Variants in ZNF704 observed in about 807,000 individuals in gnomAD.
The protein encoded by ZNF704 is glucocorticoid induced gene 1.
In ZNF704, 10 loss-of-function variants were observed where a neutral mutation model predicts 44.7. The observed-to-expected ratio is 0.22, with a 90% CI of 0.14 to 0.38. The LOEUF is 0.38. Ranked by LOEUF, ZNF704 falls within the 10% of genes least tolerant of loss-of-function variation. ZNF704 has a pLI of 1.00. For synonymous variants in ZNF704, 211 were observed against 207.6 expected (o/e 1.02, Z -0.14); for missense variants, 390 against 545.5 (o/e 0.71, Z 2.84).
intron 1 of ZNF704, among the ~76,000 whole-genome samples, chr8:80,838,408 T>C (rs1448721517): frequency 6.6e-6 from 1 of 152,156 alleles, no homozygotes; most frequent in Non-Finnish European, 1.5e-5. Flanking sequence ...AACTGAATCC[T>C]TTCTTTCAGG....
At chr8:80,713,499 G>A (rs949830527) in intron 2 of ZNF704, among the ~76,000 whole-genome samples, 4 of 152,084 alleles carry the variant, frequency 2.6e-5, no homozygotes, top group Non-Finnish European at 5.9e-5. Context: ...TCTTTTCCAC[G>A]TTTGTATCAT....
intron 1 of ZNF704, among the ~76,000 whole-genome samples, chr8:80,870,826 A>G (rs1226638720): frequency 6.7e-6 from 1 of 150,316 alleles, no homozygotes; most frequent in Non-Finnish European, 1.5e-5. Context: ...TCTCCTATCC[A>G]CTCCCCATCT....
intron 1 of ZNF704, among the ~76,000 whole-genome samples, chr8:80,827,282 C>T (rs537373060): frequency 4.5e-4 from 69 of 152,242 alleles, no homozygotes; most frequent in African/African-American, 1.6e-3. Context: ...ACACCAATAA[C>T]AGACAAACAG....
intron 2 of ZNF704, among the ~76,000 whole-genome samples, chr8:80,786,197 C>T (rs901850631): frequency 4.6e-5 from 7 of 152,120 alleles, no homozygotes; most frequent in Non-Finnish European, 7.4e-5. Flanking sequence ...TGGGAGGCCG[C>T]GGTTGTAGTG....
intron 7 of ZNF704, among the ~76,000 whole-genome samples, chr8:80,649,396 A>G (rs1233496199): frequency 2.0e-5 from 3 of 152,226 alleles, no homozygotes; most frequent in African/African-American, 7.2e-5. Context: ...GCAAGGGCTC[A>G]GGGAATTCCC....
At chr8:80,808,493 C>T (rs954693224) in intron 2 of ZNF704, among the ~76,000 whole-genome samples, 1 of 152,156 alleles carries the variant, frequency 6.6e-6, no homozygotes, top group African/African-American at 2.4e-5. Flanking sequence ...TATGACTACA[C>T]TGTTTGTTAG....
intron 2 of ZNF704, among the ~76,000 whole-genome samples, chr8:80,760,065 CACTTTA>C (rs1807102330): frequency 1.3e-5 from 2 of 152,170 alleles, no homozygotes; most frequent in Admixed American, 6.5e-5. Context: ...CCCTGGCTGA[CACTTTA>C]ACTTTAGGCC....
chr8:80,710,955 A>G (rs1818976498), intron 2 of ZNF704, among the ~76,000 whole-genome samples: 1 of 152,086 alleles, frequency 6.6e-6, no homozygotes, highest in Non-Finnish European at 1.5e-5. Context: ...AGGCAAGTAG[A>G]GAGGGTACCA....
intron 6 of ZNF704, among the ~76,000 whole-genome samples, chr8:80,660,665 G>A (rs1818088765): frequency 6.6e-6 from 1 of 152,042 alleles, no homozygotes; most frequent in African/African-American, 2.4e-5. Flanking sequence ...TTTTGACCAA[G>A]GCGATGAGAA....
intron 2 of ZNF704, among the ~76,000 whole-genome samples, chr8:80,789,660 T>C (rs1249022119): frequency 6.6e-6 from 1 of 152,110 alleles, no homozygotes; most frequent in Non-Finnish European, 1.5e-5. Context: ...GAGGATCTCT[T>C]GAGCACAGGA....
the ZNF704 span, among the ~76,000 whole-genome samples, chr8:80,880,998 C>T: frequency 1.3e-5 from 2 of 152,206 alleles, no homozygotes; most frequent in South Asian, 4.1e-4. Flanking sequence ...GTATCCATGA[C>T]ATGGCTGTAT....
At chr8:80,701,447 T>G (rs956592241) in intron 2 of ZNF704, among the ~76,000 whole-genome samples, 1 of 152,046 alleles carries the variant, frequency 6.6e-6, no homozygotes, top group African/African-American at 2.4e-5. Context: ...CTTTCTTACC[T>G]TCTTGCTTCA....
At chr8:80,862,099 G>A (rs1809073129) in intron 1 of ZNF704, among the ~76,000 whole-genome samples, 1 of 146,878 alleles carries the variant, frequency 6.8e-6, no homozygotes, top group East Asian at 2.0e-4. Context: ...TGCCTCCCGG[G>A]TTCAAGCAAT....
intron 1 of ZNF704, among the ~76,000 whole-genome samples, chr8:80,822,557 T>C (rs1040235512): frequency 6.6e-6 from 1 of 152,226 alleles, no homozygotes; most frequent in Non-Finnish European, 1.5e-5. Flanking sequence ...TTTGGGTATA[T>C]ACCCAGTAAT....
intron 2 of ZNF704, among the ~76,000 whole-genome samples, chr8:80,699,750 A>C (rs1818780296): frequency 6.6e-6 from 1 of 152,070 alleles, no homozygotes; most frequent in African/African-American, 2.4e-5. Flanking sequence ...TTTAATTTCC[A>C]TTAAACTTTG....
intron 2 of ZNF704, among the ~76,000 whole-genome samples, chr8:80,760,143 A>AG (rs1807103692): frequency 6.6e-6 from 1 of 152,186 alleles, no homozygotes; most frequent in African/African-American, 2.4e-5. Context: ...CCTGACCCAC[A>AG]GATACTACGA....
Position 80,758,590 on chromosome 8 carries a change from CTAA to C in ZNF704, c.221+62781_221+62783del, listed in dbSNP as rs1432073479. ...GTTTGCAAGAAGAGGACCATAATCG[CTAA>C]TAATAAAATAGCTAATACTTATTAG... On this transcript the variant is annotated intron_variant, in intron 2 of 8. Coordinates refer to ENST00000327835, the MANE Select transcript of ZNF704 (RefSeq NM_001033723.3). Among the ~76,000 whole-genome samples the C allele has an allele frequency of 2.0e-5, 3 of 152,184 alleles. No individual in the cohort carries two copies. In the East Asian group the frequency reaches 5.8e-4, roughly 29 times the overall value.
Position 80,756,065 on chromosome 8 carries a change from C to T in ZNF704, c.222-62958G>A, listed in dbSNP as rs913477318. Among the ~76,000 whole-genome samples the T allele has an allele frequency of 2.6e-5, 4 of 151,010 alleles. 1 individual carries two copies. Among genetic ancestry groups the T allele is most frequent in the South Asian group, 4.2e-4 (2 of 4,758 alleles). Reference sequence around the variant, plus strand: ...GCAAGGCTGCAGTGAGAAGTGATCACGCCACTGCACTCCAGCCTGTGTAAC... The same window carrying T: ...GCAAGGCTGCAGTGAGAAGTGATCATGCCACTGCACTCCAGCCTGTGTAAC... On this transcript the variant is annotated intron_variant, in intron 2 of 8. Coordinates refer to ENST00000327835, the MANE Select transcript of ZNF704 (RefSeq NM_001033723.3).
chr8:80,835,160 G>T (rs1278608880), intron 1 of ZNF704, among the ~76,000 whole-genome samples: 1 of 152,168 alleles, frequency 6.6e-6, no homozygotes, highest in Non-Finnish European at 1.5e-5. Flanking sequence ...ATGCAAGGGA[G>T]ACACACAACT....
Sources: allele counts gnomAD v4.1 joint callset (sites outside exome capture counted in the v4.1 genomes callset), GRCh38; gene constraint gnomAD v4.1.1; transcripts MANE v1.5; gene names NCBI Gene and HGNC (gene_info 2026-07-23, HGNC 2026-07-21).